Variants in PREX2 observed in about 807,000 individuals in gnomAD.
The protein encoded by PREX2 is phosphatidylinositol-3,4,5-trisphosphate dependent Rac exchange factor 2, also known as phosphatidylinositol 3,4,5-trisphosphate-dependent Rac exchanger 2 protein.
Under a neutral mutation model 203.2 loss-of-function variants are expected in PREX2, and 107 were observed. The observed-to-expected ratio is 0.53, with a 90% CI of 0.45 to 0.62. The LOEUF is 0.62. Among genes scored for constraint, PREX2 ranks in the 20% least tolerant of loss-of-function variants. The pLI is 0.00. For synonymous variants in PREX2, 672 were observed against 663.6 expected (o/e 1.01, Z -0.19); for missense variants, 1,777 against 1,955.9 (o/e 0.91, Z 1.72).
chr8:68,124,626 C>T (rs992689497), intron 30 of PREX2, among the ~76,000 whole-genome samples: 1 of 152,018 alleles, frequency 6.6e-6, no homozygotes, highest in Admixed American at 6.6e-5. Flanking sequence ...TGCACATGTA[C>T]CCTTGAACTT....
chr8:68,077,444 C>T lies in PREX2; in HGVS notation c.1617C>T (p.Leu539=). ...AGGCAATGATATTTGGCGTTGGACT[C>T]TGTGACAATGGATTTATGCACCATG... ...REEAMIFGVG[L]CDNGFMHHVL... is the part of the protein sequence containing the mutation. The change falls in exon 15 of 40, where the codon CTC becomes CTT. Residue 539 remains leucine, a synonymous_variant. Coordinates refer to ENST00000288368, the MANE Select transcript of PREX2 (RefSeq NM_024870.4). 2 of 1,613,476 alleles carry T rather than the reference C, an allele frequency of 1.2e-6. No homozygotes were observed. The highest frequency in any genetic ancestry group is 1.7e-6 in the Non-Finnish European group (2 of 1,179,422).
intron 30 of PREX2, among the ~76,000 whole-genome samples, chr8:68,121,987 T>C (rs989671733): frequency 1.3e-5 from 2 of 152,180 alleles, no homozygotes; most frequent in African/African-American, 4.8e-5. Flanking sequence ...TGGTCAATAG[T>C]ATTCAATGGT....
intron 37 of PREX2, among the ~76,000 whole-genome samples, chr8:68,204,366 A>G (rs1457644977): frequency 6.6e-6 from 1 of 152,204 alleles, no homozygotes; most frequent in Admixed American, 6.5e-5. Flanking sequence ...TTTTAAGCTT[A>G]GTTTAAAGAT....
At chr8:68,065,045 T>G (rs772229083) in intron 11 of PREX2, among the ~76,000 whole-genome samples, 13 of 152,212 alleles carry the variant, frequency 8.5e-5, no homozygotes, top group Non-Finnish European at 1.8e-4. Flanking sequence ...AACTGTAGTT[T>G]ATACACCCAT....
intron 35 of PREX2, among the ~76,000 whole-genome samples, chr8:68,163,057 C>T (rs984900961): frequency 1.3e-5 from 2 of 152,162 alleles, no homozygotes; most frequent in South Asian, 2.1e-4. Context: ...TTACTAAAAT[C>T]GTGTGAATTT....
At chr8:68,190,775 A>T (rs193125024) in intron 35 of PREX2, among the ~76,000 whole-genome samples, 95 of 152,128 alleles carry the variant, frequency 6.2e-4, no homozygotes, top group African/African-American at 2.3e-3. Context: ...TTAAAATGCT[A>T]AATTTTGTAT....
chr8:68,108,894 G>A, intron 24 of PREX2: 1 of 244,048 alleles, frequency 4.1e-6, no homozygotes, highest in Admixed American at 4.7e-5. Context: ...TGTCATTTGT[G>A]ACAACATAAA....
At chr8:68,145,038 G>A (rs1811298661) in intron 33 of PREX2, among the ~76,000 whole-genome samples, 1 of 152,070 alleles carries the variant, frequency 6.6e-6, no homozygotes, top group African/African-American at 2.4e-5. Context: ...GTGAAAAGGG[G>A]AACTAGAGGA....
chr8:68,061,197 C>T (rs539296216), intron 11 of PREX2, among the ~76,000 whole-genome samples: 4 of 152,250 alleles, frequency 2.6e-5, no homozygotes, highest in Non-Finnish European at 4.4e-5. Context: ...GGCACGGTGG[C>T]GGGTGAGTTT....
At position 68,146,228 on chromosome 8, in the gene PREX2, A is replaced by G; in HGVS notation, c.4107A>G (p.Gln1369=). 1 of 1,609,168 alleles carries G rather than the reference A, an allele frequency of 6.2e-7. No homozygotes were observed. The highest frequency in any genetic ancestry group is 8.5e-7 in the Non-Finnish European group (1 of 1,176,764). ...PLVANVPLTY[Q]AEGSRQALKV... ...TTTTAGATGTTCCTCTTACATATCA[A>G]GCAGAAGGAAGTCGGCAAGCTCTGA... The change falls in exon 34 of 40, where the codon CAA becomes CAG. Residue 1369 remains glutamine (Q), a synonymous_variant. Transcript: ENST00000288368.
At chr8:68,221,107 G>C (rs945739819) in intron 38 of PREX2, among the ~76,000 whole-genome samples, 44 of 152,142 alleles carry the variant, frequency 2.9e-4, no homozygotes, top group African/African-American at 1.1e-3. Context: ...AAAAGTGAGA[G>C]CATGCAATAT....
chr8:68,146,371 G>C lies in PREX2; in HGVS notation c.4231+19G>C, dbSNP rs114955254. ...GCACAAGGTAAACTGTTTCTCTTTT[G>C]ATGGCTGCTATACTTTAATTATTTT... On this transcript the variant is annotated intron_variant, in intron 34 of 39. Coordinates refer to ENST00000288368, the MANE Select transcript of PREX2 (RefSeq NM_024870.4). 6.3e-7 allele frequency: 1 copy of C among 1,594,334 alleles called. No individual in the cohort carries two copies. The highest frequency in any genetic ancestry group is 1.3e-5 in the African/African-American group (1 of 74,330).
intron 37 of PREX2, among the ~76,000 whole-genome samples, chr8:68,205,638 A>G (rs561625691): frequency 2.0e-4 from 30 of 152,212 alleles, no homozygotes; most frequent in Non-Finnish European, 4.3e-4. Context: ...GGAAAATATA[A>G]CTGCAAAACC....
chr8:68,020,747 G>A (rs1157378114), intron 3 of PREX2, among the ~76,000 whole-genome samples: 3 of 152,184 alleles, frequency 2.0e-5, no homozygotes, highest in Non-Finnish European at 4.4e-5. Flanking sequence ...AAAAGGATCA[G>A]AATCTTCTGC....
intron 1 of PREX2, among the ~76,000 whole-genome samples, chr8:68,016,027 C>CAGGAATAAATGTGGTTCTGA (rs1165724803): frequency 6.6e-6 from 1 of 152,132 alleles, no homozygotes; most frequent in Non-Finnish European, 1.5e-5. Context: ...CTGGTTGAAT[C>CAGGAATAAATGTGGTTCTGA]AGGAATAAAT....
intron 19 of PREX2, among the ~76,000 whole-genome samples, chr8:68,088,434 A>G (rs1428207311): frequency 2.6e-5 from 4 of 152,252 alleles, no homozygotes. Context: ...TTGCGCCTAT[A>G]GCAAGAAGTG....
At chr8:68,078,217 G>A (rs1161941232) in intron 15 of PREX2, among the ~76,000 whole-genome samples, 1 of 152,232 alleles carries the variant, frequency 6.6e-6, no homozygotes, top group Non-Finnish European at 1.5e-5. Flanking sequence ...CCAGGCTAGA[G>A]TGCAGTGGCA....
rs761310353 is a variant in PREX2 at position 68,055,811 on chromosome 8, T to G, written c.1094-19T>G. 13 of 1,604,652 alleles carry G rather than the reference T, an allele frequency of 8.1e-6. No homozygotes were observed. The highest frequency in any genetic ancestry group is 1.7e-5 in the Admixed American group (1 of 57,846). ...GAAGAGAATTTTCAGTTACCTCTCC[T>G]TTCTTTCATTTTTGATAGGTTTAAA... On this transcript the variant is annotated intron_variant, in intron 9 of 39. Coordinates refer to ENST00000288368, the MANE Select transcript of PREX2 (RefSeq NM_024870.4).
At chr8:67,977,486 A>G (rs1158973815) in intron 1 of PREX2, among the ~76,000 whole-genome samples, 1 of 152,214 alleles carries the variant, frequency 6.6e-6, no homozygotes, top group East Asian at 1.9e-4. Flanking sequence ...TCTTATAATA[A>G]CATAGATGTA....
Sources: allele counts gnomAD v4.1 joint callset (sites outside exome capture counted in the v4.1 genomes callset), GRCh38; gene constraint gnomAD v4.1.1; transcripts MANE v1.5; gene names NCBI Gene and HGNC (gene_info 2026-07-23, HGNC 2026-07-21).